ELAVL2: variants seen among roughly 807,000 people sequenced by gnomAD.
ELAVL2 encodes ELAV like RNA binding protein 2.
ELAVL2 carries 4 observed loss-of-function variants against 34.6 expected under a neutral mutation model. The observed-to-expected ratio is 0.12, with a 90% CI of 0.06 to 0.26. The LOEUF (loss-of-function observed/expected upper bound fraction) is 0.26, where lower values mean the gene tolerates loss of function less well. ELAVL2 is among the 10% of genes least tolerant of loss of function. The probability of loss-of-function intolerance (pLI) is 1.00; values close to 1 mark genes in which losing one functional copy is unlikely to be tolerated. For missense variants in ELAVL2, 432 were observed against 442.8 expected (o/e 0.98, Z 0.22); for synonymous variants, 193 against 154.8 (o/e 1.25, Z -1.83).
chr9:23,731,341 A>AC (rs2046488486), intron 2 of ELAVL2, among the ~76,000 whole-genome samples: 1 of 86,262 alleles, frequency 1.2e-5, no homozygotes, highest in African/African-American at 3.2e-5. Flanking sequence ...GCTGTTTAGG[A>AC]AAAAAAAAAC....
intron 2 of ELAVL2, chr9:23,735,126 A>AAAAAAAAAAAAAAAAAAAAC (rs2047549870): frequency 6.8e-6 from 1 of 148,118 alleles, no homozygotes; most frequent in Non-Finnish European, 1.5e-5. Flanking sequence ...AAAAAAAAAA[A>AAAAAAAAAAAAAAAAAAAAC]AGCCCTTAAG....
chr9:23,759,481 C>T (rs1247957821), intron 2 of ELAVL2, among the ~76,000 whole-genome samples: 1 of 151,514 alleles, frequency 6.6e-6, no homozygotes, highest in African/African-American at 2.4e-5. Context: ...TTCTGGTGTG[C>T]TATTCCACAG....
chr9:23,787,359 G>A (rs1310832764), intron 1 of ELAVL2, among the ~76,000 whole-genome samples: 1 of 151,092 alleles, frequency 6.6e-6, no homozygotes, highest in Admixed American at 6.6e-5. Flanking sequence ...AGCCTCCAGA[G>A]TAGCTAGGAT....
chr9:23,784,288 A>G (rs1345435675), intron 1 of ELAVL2, among the ~76,000 whole-genome samples: 1 of 152,212 alleles, frequency 6.6e-6, no homozygotes, highest in Non-Finnish European at 1.5e-5. Context: ...CATATTAAAC[A>G]AGCCAAAGAA....
At chr9:23,735,764 G>C (rs1401258672) in intron 2 of ELAVL2, among the ~76,000 whole-genome samples, 2 of 152,184 alleles carry the variant, frequency 1.3e-5, no homozygotes, top group Admixed American at 6.5e-5. Flanking sequence ...CTGGCACAAG[G>C]AGAACAGTTA....
At chr9:23,847,175 C>T in the ELAVL2 span, 1 of 152,080 alleles carries the variant, frequency 6.6e-6, no homozygotes, top group Non-Finnish European at 1.5e-5. Flanking sequence ...AGGATACATA[C>T]TACATTTAAT....
At chr9:23,736,115 T>TAAA (rs1345299214) in intron 2 of ELAVL2, among the ~76,000 whole-genome samples, 4 of 152,214 alleles carry the variant, frequency 2.6e-5, no homozygotes, top group African/African-American at 9.6e-5. Flanking sequence ...GTCTTTTCTA[T>TAAA]TTTAAATTAC....
At chr9:23,772,879 T>A (rs2057549003) in intron 1 of ELAVL2, among the ~76,000 whole-genome samples, 1 of 152,122 alleles carries the variant, frequency 6.6e-6, no homozygotes. Context: ...ATTTGAGGCA[T>A]CTTAAAAAAA....
intron 1 of ELAVL2, among the ~76,000 whole-genome samples, chr9:23,775,024 A>C (rs1307732651): frequency 1.3e-5 from 2 of 152,182 alleles, no homozygotes; most frequent in African/African-American, 4.8e-5. Context: ...CCTGAATTTA[A>C]ACTGTGGCTT....
At chr9:23,762,369 G>T in intron 1 of ELAVL2, 120 bp from the exon 2 acceptor site, 1 of 1,315,452 alleles carries the variant, frequency 7.6e-7, no homozygotes. Flanking sequence ...TTACAACAAT[G>T]CTTCAACAAA....
rs749961364 is a variant in ELAVL2, at chr9:23,692,887, G to A, written c.753-3C>T. 7 of 1,612,382 alleles carry A rather than the reference G, an allele frequency of 4.3e-6. No individual in the cohort carries two copies. In the South Asian group the frequency reaches 6.6e-5, roughly 15 times the overall value. On this transcript the variant is annotated splice_region_variant and splice_polypyrimidine_tract_variant and intron_variant, in intron 6 of 6. Coordinates refer to ENST00000397312, the MANE Select transcript of ELAVL2 (RefSeq NM_004432.5). The stretch of plus-strand genomic sequence containing the variant: ...CGTCAATGGTCATTGGAGAAAACCT[G>A]CTAAACAGAATAGGAAATACACACA...
the ELAVL2 span, among the ~76,000 whole-genome samples, chr9:23,833,807 A>AT: frequency 6.6e-6 from 1 of 151,932 alleles, no homozygotes; most frequent in Non-Finnish European, 1.5e-5. Context: ...CAATCTTCCT[A>AT]TGATGTATTA....
At chr9:23,726,435 T>C (rs895265991) in intron 3 of ELAVL2, among the ~76,000 whole-genome samples, 1 of 152,130 alleles carries the variant, frequency 6.6e-6, no homozygotes, top group African/African-American at 2.4e-5. Flanking sequence ...AGTTTTTCTA[T>C]GGTAGTTAAT....
At chr9:23,755,611 T>A (rs909142651) in intron 2 of ELAVL2, among the ~76,000 whole-genome samples, 1 of 152,164 alleles carries the variant, frequency 6.6e-6, no homozygotes, top group Non-Finnish European at 1.5e-5. Flanking sequence ...TGACACAAAT[T>A]TCATTTTATA....
chr9:23,698,862 A>G (rs2036182147), intron 5 of ELAVL2, among the ~76,000 whole-genome samples: 1 of 152,220 alleles, frequency 6.6e-6, no homozygotes, highest in South Asian at 2.1e-4. Context: ...CAACACACCC[A>G]ATCTAGATCA....
At chr9:23,779,029 G>A (rs769514681) in intron 1 of ELAVL2, among the ~76,000 whole-genome samples, 4 of 152,168 alleles carry the variant, frequency 2.6e-5, no homozygotes, top group Non-Finnish European at 5.9e-5. Flanking sequence ...GGCCAATGAA[G>A]TGCTTTATCC....
At chr9:23,724,536 A>C (rs1233950931) in intron 3 of ELAVL2, among the ~76,000 whole-genome samples, 1 of 152,194 alleles carries the variant, frequency 6.6e-6, no homozygotes, top group African/African-American at 2.4e-5. Flanking sequence ...TGTATGAAAA[A>C]AATTAAAGCT....
intron 1 of ELAVL2, among the ~76,000 whole-genome samples, chr9:23,824,381 T>C (rs1169619657): frequency 6.6e-6 from 1 of 152,164 alleles, no homozygotes; most frequent in Non-Finnish European, 1.5e-5. Context: ...CACTGCCACC[T>C]TGCCATCCCT....
the ELAVL2 span, among the ~76,000 whole-genome samples, chr9:23,850,094 A>G: frequency 2.0e-5 from 3 of 150,798 alleles, no homozygotes; most frequent in African/African-American, 7.3e-5. Flanking sequence ...CGCACGGTTC[A>G]GAACATACCG....
Sources: gnomAD v4.1 joint callset for allele counts (sites outside exome capture counted in the v4.1 genomes callset) on GRCh38, gnomAD v4.1.1 for gene constraint, MANE v1.5 for transcripts, NCBI Gene and HGNC (gene_info 2026-07-23, HGNC 2026-07-21) for gene names.